ZFPM2: variants seen among roughly 807,000 people sequenced by gnomAD.
ZFPM2 encodes zinc finger protein ZFPM2.
Under a neutral mutation model 98.6 loss-of-function variants are expected in ZFPM2, and 20 were observed. The ratio of observed to expected loss-of-function variants is 0.20; its 90% CI spans 0.14 to 0.29. ZFPM2 has a LOEUF of 0.29. Ranked by LOEUF, ZFPM2 falls within the 10% of genes least tolerant of loss-of-function variation. The pLI is 1.00. For missense variants in ZFPM2, 1,310 were observed against 1,388.6 expected, an observed-to-expected ratio of 0.94 and a Z score of 0.90; for synonymous variants, 518 against 502.7, an observed-to-expected ratio of 1.03 and a Z score of -0.41.
At chr8:105,553,767 G>A (rs1408860304) in intron 3 of ZFPM2, among the ~76,000 whole-genome samples, 2 of 152,146 alleles carry the variant, frequency 1.3e-5, no homozygotes, top group Non-Finnish European at 2.9e-5. Flanking sequence ...CCATCTGTTA[G>A]AGTTACATAT....
chr8:105,692,798 A>G (rs1400563335), intron 5 of ZFPM2, among the ~76,000 whole-genome samples: 3 of 152,248 alleles, frequency 2.0e-5, no homozygotes, highest in Non-Finnish European at 2.9e-5. Context: ...GTTTATGAGT[A>G]GGAGAGTAAA....
At chr8:105,548,398 A>G (rs1814762266) in intron 3 of ZFPM2, among the ~76,000 whole-genome samples, 1 of 152,212 alleles carries the variant, frequency 6.6e-6, no homozygotes, top group Non-Finnish European at 1.5e-5. Flanking sequence ...TATTTTGTCC[A>G]AAATTAACAT....
chr8:105,641,639 A>G (rs1241857351), intron 5 of ZFPM2, among the ~76,000 whole-genome samples: 1 of 151,926 alleles, frequency 6.6e-6, no homozygotes, highest in African/African-American at 2.4e-5. Context: ...CTTACTATGC[A>G]TTTACTGTTT....
At chr8:105,381,439 A>G (rs951483091) in intron 1 of ZFPM2, among the ~76,000 whole-genome samples, 3 of 152,104 alleles carry the variant, frequency 2.0e-5, no homozygotes, top group African/African-American at 7.2e-5. Context: ...TGAGTAAGAT[A>G]CCCAAACTAG....
intron 1 of ZFPM2, among the ~76,000 whole-genome samples, chr8:105,394,660 T>C (rs1811186383): frequency 1.3e-5 from 2 of 152,222 alleles, no homozygotes; most frequent in African/African-American, 4.8e-5. Flanking sequence ...GAAATGTGCA[T>C]GAGCGGCTTC....
chr8:105,370,763 G>C (rs1488962792), intron 1 of ZFPM2, among the ~76,000 whole-genome samples: 1 of 152,208 alleles, frequency 6.6e-6, no homozygotes, highest in Non-Finnish European at 1.5e-5. Flanking sequence ...CAGTGTATGT[G>C]CTGTATTTTA....
intron 5 of ZFPM2, among the ~76,000 whole-genome samples, chr8:105,776,144 G>A (rs867912053): frequency 1.3e-5 from 2 of 151,976 alleles, no homozygotes; most frequent in Non-Finnish European, 2.9e-5. Flanking sequence ...AAACTCTAGC[G>A]GGGATCTGTT....
chr8:105,419,425 G>C, intron 2 of ZFPM2, 123 bp downstream of exon 2: 1 of 1,208,780 alleles, frequency 8.3e-7, no homozygotes, highest in African/African-American at 1.6e-5. Flanking sequence ...AATAAGTGCA[G>C]ATTTTTTTAA....
At position 105,672,843 on chromosome 8, in the gene ZFPM2, C is replaced by T. The variant is rs1273139972; in HGVS notation, c.532+38486C>T. Among the ~76,000 whole-genome samples, 6 of 152,156 alleles carry T rather than the reference C, an allele frequency of 3.9e-5. No individual in the cohort carries two copies. In the East Asian group the frequency reaches 5.8e-4, roughly 15 times the overall value. Reference sequence around the variant, plus strand: ...GCAGATTAGCACAGTGAATCATGGACGTTAGTTTTCCTGTTACCAGACTGG... The same window carrying T: ...GCAGATTAGCACAGTGAATCATGGATGTTAGTTTTCCTGTTACCAGACTGG... On this transcript the variant is annotated intron_variant, in intron 5 of 7. Coordinates refer to ENST00000407775, the MANE Select transcript of ZFPM2 (RefSeq NM_012082.4).
intron 3 of ZFPM2, among the ~76,000 whole-genome samples, chr8:105,463,294 T>C (rs1447086717): frequency 1.3e-5 from 2 of 151,680 alleles, no homozygotes; most frequent in African/African-American, 4.8e-5. Context: ...TATGTGTGTG[T>C]GTATATATAT....
chr8:105,651,517 G>A lies in ZFPM2; in HGVS notation c.532+17160G>A, dbSNP rs558916332. On this transcript the variant is annotated intron_variant, in intron 5 of 7. Transcript: ENST00000407775. The stretch of plus-strand genomic sequence containing the variant: ...CCCTTGCTTGCTTATATCTACCCTT[G>A]GACATCATATTTCCTTTGCCTGATA... Among the ~76,000 whole-genome samples, 7 of 150,302 alleles carry A rather than the reference G, an allele frequency of 4.7e-5. No homozygotes were observed. The East Asian group carries it at 7.8e-4, about 17-fold the overall frequency.
Position 105,560,762 on chromosome 8 carries a change from C to T in ZFPM2, c.302-601C>T, listed in dbSNP as rs541496554. Among the ~76,000 whole-genome samples the T allele has an allele frequency of 2.6e-5, 4 of 152,060 alleles. No homozygotes were observed. In the South Asian group the frequency reaches 8.3e-4, roughly 32 times the overall value. Reference sequence around the variant, plus strand: ...AGTAAATGAAAGGAAGAAGACCTTCCAAAGCTGGTTATTTCTAAAGTATTT... The same window carrying T: ...AGTAAATGAAAGGAAGAAGACCTTCTAAAGCTGGTTATTTCTAAAGTATTT... On this transcript the variant is annotated intron_variant, in intron 3 of 7. Transcript: ENST00000407775.
chr8:105,362,545 ATTATAT>A (rs1810424990), intron 1 of ZFPM2, among the ~76,000 whole-genome samples: 1 of 152,080 alleles, frequency 6.6e-6, no homozygotes, highest in Admixed American at 6.6e-5. Flanking sequence ...CGTTCTGTTG[ATTATAT>A]TTATTTATTT....
intron 1 of ZFPM2, among the ~76,000 whole-genome samples, chr8:105,320,272 G>A (rs1015847128): frequency 4.0e-5 from 6 of 151,356 alleles, no homozygotes; most frequent in African/African-American, 1.5e-4. Flanking sequence ...GTGTGTGTGT[G>A]TGTGTGTGTG....
At position 105,689,212 on chromosome 8, in the gene ZFPM2, C is replaced by T. The variant is rs1370597802; in HGVS notation, c.532+54855C>T. ...CTCAACCAAGTTAATTAGCCCTGTA[C>T]TTCCTAACATGTATTCTATCAAGTC... On this transcript the variant is annotated intron_variant, in intron 5 of 7. Transcript: ENST00000407775. Among the ~76,000 whole-genome samples the T allele has an allele frequency of 2.6e-5, 4 of 152,160 alleles. 1 individual carries two copies. The highest frequency in any genetic ancestry group is 2.0e-4 in the Admixed American group (3 of 15,270).
At chr8:105,582,178 C>G (rs1815615932) in intron 4 of ZFPM2, among the ~76,000 whole-genome samples, 1 of 152,162 alleles carries the variant, frequency 6.6e-6, no homozygotes, top group African/African-American at 2.4e-5. Flanking sequence ...ACTGACCAAT[C>G]CACCCGGATA....
At chr8:105,457,705 G>T (rs986586356) in intron 3 of ZFPM2, among the ~76,000 whole-genome samples, 4 of 152,070 alleles carry the variant, frequency 2.6e-5, no homozygotes, top group African/African-American at 9.7e-5. Context: ...TTGTTTGTTT[G>T]TTTTTTGCAA....
At chr8:105,402,751 G>T (rs1429532911) in intron 1 of ZFPM2, among the ~76,000 whole-genome samples, 1 of 151,940 alleles carries the variant, frequency 6.6e-6, no homozygotes, top group East Asian at 1.9e-4. Context: ...TAGCTAGTTT[G>T]TGGTCCCTAC....
intron 1 of ZFPM2, among the ~76,000 whole-genome samples, chr8:105,337,538 TGA>T (rs1335067346): frequency 1.3e-5 from 2 of 151,702 alleles, no homozygotes; most frequent in Non-Finnish European, 1.5e-5. Context: ...CTCAAGAAAG[TGA>T]GAGAAAGAAA....
Sources: gnomAD v4.1 joint callset for allele counts (sites outside exome capture counted in the v4.1 genomes callset) on GRCh38, gnomAD v4.1.1 for gene constraint, MANE v1.5 for transcripts, NCBI Gene and HGNC (gene_info 2026-07-23, HGNC 2026-07-21) for gene names.